Variants in LONP2 observed in about 807,000 individuals in gnomAD.
The protein encoded by LONP2 is lon protease homolog 2, peroxisomal.
Under a neutral mutation model 85.6 loss-of-function variants are expected in LONP2, and 60 were observed. The observed-to-expected ratio is 0.70, with a 90% CI of 0.57 to 0.87. LONP2 has a LOEUF of 0.87. LONP2 is among the 40% of genes least tolerant of loss of function. The pLI is 0.00. For synonymous variants in LONP2, 395 were observed against 389.7 expected (o/e 1.01, Z -0.16); for missense variants, 860 against 1,063.5 (o/e 0.81, Z 2.66).
chr16:48,322,140 C>T (rs1159413748), intron 11 of LONP2, among the ~76,000 whole-genome samples: 1 of 151,896 alleles, frequency 6.6e-6, no homozygotes, highest in East Asian at 1.9e-4. Flanking sequence ...CACAAATACA[C>T]TGTATAGCTA....
In LONP2 at chr16:48,244,579, C is replaced by T; in HGVS notation, c.191C>T (p.Pro64Leu). 6.7e-7 allele frequency: 1 copy of T among 1,503,126 alleles called. No homozygotes were observed. The allele number at this position is 1,503,126 out of a possible 1,614,324, so 93.1% of individuals were successfully genotyped here. A position where few individuals can be genotyped will look rare whatever the true frequency, so the allele number is the denominator to read the frequency against. Residue 64 changes from proline to leucine, a missense_variant, in exon 1 of 15, where the codon CCT (proline) becomes CTT (leucine). Coordinates refer to ENST00000285737, the MANE Select transcript of LONP2 (RefSeq NM_031490.5). ...ATCCTGGGCGTCATCCCCAACACGCCTGACCCCGCCAGCGACGCGCAGGAC... is the reference window on the plus strand; with the variant it reads ...ATCCTGGGCGTCATCCCCAACACGCTTGACCCCGCCAGCGACGCGCAGGAC... ...STILGVIPNT[P>L]DPASDAQDLP...
At chr16:48,264,455 C>A (rs868179866) in intron 6 of LONP2, among the ~76,000 whole-genome samples, 15 of 152,238 alleles carry the variant, frequency 9.9e-5, no homozygotes, top group African/African-American at 3.6e-4. Flanking sequence ...CCCGGCTCAC[C>A]AGCGGTCAGA....
chr16:48,274,359 A>C (rs2150980124), intron 7 of LONP2, among the ~76,000 whole-genome samples: 1 of 152,160 alleles, frequency 6.6e-6, no homozygotes, highest in African/African-American at 2.4e-5. Context: ...TATGTACCCC[A>C]TGATGCTTAT....
At chr16:48,360,107 A>C (rs1960521934), downstream of LONP2, among the ~76,000 whole-genome samples, 1 of 152,234 alleles carries the variant, frequency 6.6e-6, no homozygotes, top group Non-Finnish European at 1.5e-5. Context: ...ATCTACCATA[A>C]TTTAACCCCA....
At chr16:48,299,052 A>G (rs1359918620) in intron 9 of LONP2, among the ~76,000 whole-genome samples, 1 of 151,596 alleles carries the variant, frequency 6.6e-6, no homozygotes, top group Non-Finnish European at 1.5e-5. Context: ...AACCATGCTC[A>G]GCTAATTTTT....
intron 3 of LONP2, among the ~76,000 whole-genome samples, chr16:48,258,241 G>T (rs1185684386): frequency 6.6e-6 from 1 of 151,934 alleles, no homozygotes; most frequent in Non-Finnish European, 1.5e-5. Context: ...CAGTTACTCT[G>T]GAGGCTGAGG....
intron 8 of LONP2, among the ~76,000 whole-genome samples, chr16:48,294,002 TCTC>T (rs1178339070): frequency 2.0e-5 from 3 of 152,218 alleles, no homozygotes; most frequent in Non-Finnish European, 2.9e-5. Flanking sequence ...AGTGGCGTGA[TCTC>T]AGCCCACGGC....
intron 2 of LONP2, among the ~76,000 whole-genome samples, chr16:48,256,313 G>T (rs1044111364): frequency 6.6e-6 from 1 of 152,098 alleles, no homozygotes; most frequent in Non-Finnish European, 1.5e-5. Flanking sequence ...CAACTTTTTT[G>T]TACATTTGAA....
At chr16:48,315,137 C>A (rs1973114574) in intron 11 of LONP2, among the ~76,000 whole-genome samples, 1 of 152,182 alleles carries the variant, frequency 6.6e-6, no homozygotes, top group South Asian at 2.1e-4. Flanking sequence ...CCCTCATCAC[C>A]TAATATTATA....
At chr16:48,300,896 G>T (rs1972790858) in intron 10 of LONP2, among the ~76,000 whole-genome samples, 2 of 152,168 alleles carry the variant, frequency 1.3e-5, no homozygotes, top group Non-Finnish European at 2.9e-5. Flanking sequence ...ATGAGGGATG[G>T]AGAAAAATCC....
intron 11 of LONP2, among the ~76,000 whole-genome samples, chr16:48,325,632 A>G (rs1006799017): frequency 1.3e-5 from 2 of 152,190 alleles, no homozygotes; most frequent in Non-Finnish European, 2.9e-5. Flanking sequence ...TTGTTTATAT[A>G]TGTCACATTT....
rs992602646 is a variant in LONP2, at chr16:48,270,093, C to G, written c.1060C>G (p.Leu354Val). ...YAMEKLKKRV[L>V]EYLAVRQLKN... ...CATGGAAAAATTGAAGAAAAGAGTACTGGAATACTTGGCTGTCAGACAGCT... is the reference window on the plus strand; with the variant it reads ...CATGGAAAAATTGAAGAAAAGAGTAGTGGAATACTTGGCTGTCAGACAGCT... Residue 354 changes from leucine to valine, a missense_variant, in exon 7 of 15, where the codon CTG becomes GTG. Leu to Val is a conservative substitution (Grantham distance 32). Coordinates refer to ENST00000285737, the MANE Select transcript of LONP2 (RefSeq NM_031490.5). 3.7e-6 allele frequency: 6 copies of G among 1,613,862 alleles called. No individual in the cohort carries two copies. The highest frequency in any genetic ancestry group is 1.3e-5 in the African/African-American group (1 of 74,892).
At chr16:48,282,027 G>T (rs1446711220) in intron 8 of LONP2, among the ~76,000 whole-genome samples, 6 of 152,150 alleles carry the variant, frequency 3.9e-5, no homozygotes, top group Non-Finnish European at 5.9e-5. Flanking sequence ...ATCGAATGGA[G>T]TTAAAAAATG....
intron 7 of LONP2, among the ~76,000 whole-genome samples, chr16:48,274,627 T>C (rs990437150): frequency 6.6e-6 from 1 of 151,710 alleles, no homozygotes; most frequent in Non-Finnish European, 1.5e-5. Flanking sequence ...CTGATTCCTT[T>C]TTCCAGTTTG....
At chr16:48,331,830 C>T (rs1045494184) in intron 11 of LONP2, among the ~76,000 whole-genome samples, 4 of 152,252 alleles carry the variant, frequency 2.6e-5, no homozygotes, top group Non-Finnish European at 4.4e-5. Flanking sequence ...TCCCAAAGTG[C>T]TGGGATTACA....
At chr16:48,339,410 G>C (rs1354482128) in intron 12 of LONP2, among the ~76,000 whole-genome samples, 6 of 152,186 alleles carry the variant, frequency 3.9e-5, no homozygotes, top group African/African-American at 1.4e-4. Flanking sequence ...AAGGAGTGGT[G>C]GGGATGGTAG....
intron 12 of LONP2, chr16:48,344,306 T>G (rs894875815): frequency 6.6e-6 from 1 of 152,190 alleles, no homozygotes; most frequent in Non-Finnish European, 1.5e-5. Context: ...GTCCTTTGCT[T>G]CTTAGATAAC....
At chr16:48,305,279 G>C (rs2151003372) in intron 11 of LONP2, among the ~76,000 whole-genome samples, 1 of 152,228 alleles carries the variant, frequency 6.6e-6, no homozygotes, top group South Asian at 2.1e-4. Flanking sequence ...TTTTGAGATG[G>C]AGTCTCGCTC....
chr16:48,278,364 C>T (rs1287260168), intron 8 of LONP2, among the ~76,000 whole-genome samples: 1 of 152,134 alleles, frequency 6.6e-6, no homozygotes, highest in African/African-American at 2.4e-5. Context: ...TCACCTCTCA[C>T]CATGTTGGAT....
Sources: gnomAD v4.1 joint callset for allele counts (sites outside exome capture counted in the v4.1 genomes callset) on GRCh38, gnomAD v4.1.1 for gene constraint, MANE v1.5 for transcripts, NCBI Gene and HGNC (gene_info 2026-07-23, HGNC 2026-07-21) for gene names.